Variants in HDAC8 observed in about 807,000 individuals in gnomAD.
HDAC8 encodes histone deacetylase 8, also known as histone deacetylase-like 1.
A neutral mutation model predicts 32.2 loss-of-function variants in HDAC8; 1 was observed. That is an observed-to-expected ratio of 0.03 (90% CI 0.01 to 0.15). The LOEUF is 0.15. Ranked by LOEUF, HDAC8 falls within the 10% of genes least tolerant of loss-of-function variation. The pLI is 1.00. For synonymous variants in HDAC8, 108 were observed against 113.9 expected (o/e 0.95, Z 0.33); for missense variants, 117 against 300.0 (o/e 0.39, Z 4.51).
chrX:72,427,431 A>G (rs370312202), intron 9 of HDAC8, among the ~76,000 whole-genome samples: 2 of 109,801 alleles, frequency 1.8e-5, no homozygotes, highest in African/African-American at 6.6e-5. Context: ...AAAATGATGA[A>G]TTCATGTCCT....
intron 4 of HDAC8, among the ~76,000 whole-genome samples, chrX:72,555,150 A>G: frequency 8.9e-6 from 1 of 111,861 alleles, no homozygotes. Flanking sequence ...AAGAGCAAAA[A>G]CAATCGCTAC....
At chrX:72,380,704 A>G (rs1211714005) in intron 9 of HDAC8, among the ~76,000 whole-genome samples, 1 of 111,337 alleles carries the variant, frequency 9.0e-6, no homozygotes, top group Non-Finnish European at 1.9e-5. Context: ...CTCCTACTCT[A>G]GACCAGTGCT....
intron 9 of HDAC8, among the ~76,000 whole-genome samples, chrX:72,367,147 A>G (rs2044725138): frequency 8.9e-6 from 1 of 112,069 alleles, no homozygotes; most frequent in Non-Finnish European, 1.9e-5. Context: ...TTTGGTGCTA[A>G]CATGGCAAGC....
chrX:72,494,115 C>A (rs1001181272), intron 5 of HDAC8, among the ~76,000 whole-genome samples: 2 of 111,807 alleles, frequency 1.8e-5, no homozygotes, highest in Non-Finnish European at 3.8e-5. Context: ...ATGTTTTGCA[C>A]TGGTTGAGCA....
At chrX:72,378,379 C>T (rs1158733686) in intron 9 of HDAC8, among the ~76,000 whole-genome samples, 1 of 111,273 alleles carries the variant, frequency 9.0e-6, no homozygotes, top group Non-Finnish European at 1.9e-5. Context: ...TCAGATTTTG[C>T]CTCTTTGCAT....
intron 10 of HDAC8, among the ~76,000 whole-genome samples, chrX:72,349,791 A>G (rs1349450645): frequency 9.0e-6 from 1 of 111,575 alleles, no homozygotes; most frequent in Non-Finnish European, 1.9e-5. Context: ...CTCTGGAGCT[A>G]TGTCCCTGGG....
At chrX:72,532,387 T>C in intron 4 of HDAC8, among the ~76,000 whole-genome samples, 1 of 107,169 alleles carries the variant, frequency 9.3e-6, no homozygotes, top group East Asian at 2.9e-4. Context: ...AGCCATTGCA[T>C]CTGGCCAGCT....
chrX:72,341,951 G>A (rs1416888097), intron 10 of HDAC8, among the ~76,000 whole-genome samples: 1 of 111,828 alleles, frequency 8.9e-6, no homozygotes, highest in Non-Finnish European at 1.9e-5. Context: ...AAATCAATTT[G>A]TTTTATTTTC....
intron 7 of HDAC8, among the ~76,000 whole-genome samples, chrX:72,469,873 G>A (rs782627647): frequency 9.0e-6 from 1 of 111,031 alleles, no homozygotes; most frequent in South Asian, 3.9e-4. Flanking sequence ...AACATGGCCG[G>A]TCACGGTGGC....
At chrX:72,554,517 G>GGCAGGGAGC (rs2051209589) in intron 4 of HDAC8, among the ~76,000 whole-genome samples, 1 of 73,072 alleles carries the variant, frequency 1.4e-5, no homozygotes, top group African/African-American at 5.9e-5. Flanking sequence ...GGGCGGGGAG[G>GGCAGGGAGC]GCGGGGAGCG....
At chrX:72,412,601 G>A (rs782613063) in intron 9 of HDAC8, among the ~76,000 whole-genome samples, 1 of 111,576 alleles carries the variant, frequency 9.0e-6, no homozygotes, top group East Asian at 2.8e-4. Flanking sequence ...TGTACTTTGG[G>A]TATTTATGAG....
intron 9 of HDAC8, among the ~76,000 whole-genome samples, chrX:72,443,231 C>T (rs1221954753): frequency 1.8e-5 from 2 of 110,138 alleles, no homozygotes; most frequent in African/African-American, 6.6e-5. Flanking sequence ...ACAGAATATA[C>T]ATTTTTTTCA....
In HDAC8 at chrX:72,386,812, C is replaced by T. The variant is rs1342544519; in HGVS notation, c.1006-34974G>A. Among the ~76,000 whole-genome samples, 6 of 111,857 alleles carry T rather than the reference C, an allele frequency of 5.4e-5. No homozygotes were observed. In the East Asian group the frequency reaches 1.7e-3, roughly 32 times the overall value. On this transcript the variant is annotated intron_variant, in intron 9 of 10. Transcript: ENST00000373573. Reference sequence around the variant, plus strand: ...ACCCTATCTTTACCCTGTGTCATCTCTACTCTTCAGAACATTCTCAAAATC... The same window carrying T: ...ACCCTATCTTTACCCTGTGTCATCTTTACTCTTCAGAACATTCTCAAAATC...
At chrX:72,350,064 A>G (rs781998036) in intron 10 of HDAC8, among the ~76,000 whole-genome samples, 20 of 111,487 alleles carry the variant, frequency 1.8e-4, no homozygotes, top group African/African-American at 6.5e-4. Flanking sequence ...GTGTTCATCA[A>G]GGCTGCAACA....
At chrX:72,396,238 A>G (rs781937756) in intron 9 of HDAC8, among the ~76,000 whole-genome samples, 1 of 112,451 alleles carries the variant, frequency 8.9e-6, no homozygotes, top group African/African-American at 3.2e-5. Context: ...GGCTATTTCA[A>G]TTGCTATCCC....
chrX:72,572,570 C>G (rs2052134639), intron 1 of HDAC8, 81 bp downstream of exon 1: 1 of 702,360 alleles, frequency 1.4e-6, no homozygotes, highest in African/African-American at 2.1e-5. Flanking sequence ...CCAGTGTCCT[C>G]TCCGCTTCCT....
At chrX:72,463,075 A>G (rs949139827) in intron 8 of HDAC8, among the ~76,000 whole-genome samples, 17 of 111,511 alleles carry the variant, frequency 1.5e-4, no homozygotes, top group African/African-American at 4.6e-4. Flanking sequence ...TTAGGTCTCA[A>G]TGGGGTCCAC....
chrX:72,467,728 C>G, intron 7 of HDAC8: 2 of 353,192 alleles, frequency 5.7e-6, no homozygotes, highest in Non-Finnish European at 9.7e-6. Context: ...TACTCAAGCT[C>G]TATTGTAGGA....
chrX:72,510,776 G>A (rs150125263), intron 4 of HDAC8, among the ~76,000 whole-genome samples: 190 of 111,645 alleles, frequency 1.7e-3, no homozygotes, highest in African/African-American at 5.7e-3. Context: ...CATTTTTCTG[G>A]CTGTAAGCTT....
Sources: allele counts gnomAD v4.1 joint callset (sites outside exome capture counted in the v4.1 genomes callset), GRCh38; gene constraint gnomAD v4.1.1; transcripts MANE v1.5; gene names NCBI Gene and HGNC (gene_info 2026-07-23, HGNC 2026-07-21).